Variants in AADACL2 observed in about 807,000 individuals in gnomAD.
The protein encoded by AADACL2 is arylacetamide deacetylase-like 2.
A neutral mutation model predicts 22.3 loss-of-function variants in AADACL2; 23 were observed. The ratio of observed to expected loss-of-function variants is 1.03; its 90% CI spans 0.74 to 1.46. The LOEUF (loss-of-function observed/expected upper bound fraction) is 1.46. Ranked by LOEUF, AADACL2 falls within the 40% of genes most tolerant of loss-of-function variation. AADACL2 has a pLI of 0.00. For missense variants in AADACL2, 472 were observed against 482.9 expected (o/e 0.98, Z 0.21); for synonymous variants, 177 against 166.2 (o/e 1.07, Z -0.50).
chr3:151,746,703 A>C (rs1713457896), intron 4 of AADACL2, among the ~76,000 whole-genome samples: 1 of 152,000 alleles, frequency 6.6e-6, no homozygotes, highest in African/African-American at 2.4e-5. Flanking sequence ...ATGATCATGT[A>C]ATTTTTCTTA....
Position 151,757,408 on chromosome 3 carries a change from T to C in AADACL2, c.1020T>C (p.His340=). ...TAACCTATATTCTTACTTGTCAACA[T>C]GATCTCTTAAGAGATGATGGACTTA... is the stretch of plus-strand genomic sequence containing the variant. ...LPLTYILTCQ[H]DLLRDDGLMY... is the part of the protein sequence containing the mutation. Residue 340 remains histidine (H), a synonymous_variant, in exon 5 of 5, where the codon CAT becomes CAC. Coordinates refer to ENST00000356517, the MANE Select transcript of AADACL2 (RefSeq NM_207365.4). 4 of 1,613,762 alleles carry C rather than the reference T, an allele frequency of 2.5e-6. No individual in the cohort carries two copies. Among genetic ancestry groups the C allele is most frequent in the Non-Finnish European group, 2.5e-6 (3 of 1,179,714 alleles).
chr3:151,752,656 A>G (rs967629949), intron 4 of AADACL2, among the ~76,000 whole-genome samples: 2 of 152,218 alleles, frequency 1.3e-5, no homozygotes, highest in Non-Finnish European at 2.9e-5. Context: ...GAATGTATGC[A>G]TTGCTCTTAT....
chr3:151,737,821 A>G (rs1338317547), intron 1 of AADACL2, among the ~76,000 whole-genome samples: 1 of 151,936 alleles, frequency 6.6e-6, no homozygotes, highest in African/African-American at 2.4e-5. Flanking sequence ...ATCTTCCTCA[A>G]TCCCTTTATT....
At position 151,734,100 on chromosome 3, in the gene AADACL2, C is replaced by G. The variant is rs1479148175; in HGVS notation, c.65C>G (p.Pro22Arg). ...CTTTTTGTCTCTCATTTTTACACAC[C>G]CATGCCAGACAACATTGAAGAAAGC... is the stretch of plus-strand genomic sequence containing the variant. ...CVLFVSHFYT[P>R]MPDNIEESWK... Residue 22 changes from proline (P) to arginine (R), a missense_variant, in exon 1 of 5, where the codon CCC (proline) becomes CGC (arginine). Pro to Arg is a moderately radical substitution (Grantham distance 103). Transcript: ENST00000356517. The G allele has an allele frequency of 6.2e-7, 1 of 1,613,362 alleles. No homozygotes were observed. The highest frequency in any genetic ancestry group is 8.5e-7 in the Non-Finnish European group (1 of 1,179,752).
chr3:151,749,029 CT>C (rs151225920), intron 4 of AADACL2, among the ~76,000 whole-genome samples: 7,211 of 152,140 alleles, frequency 0.047, 572 homozygotes, highest in African/African-American at 0.16. Flanking sequence ...ACTATTCAGT[CT>C]TTTGTGGTTC....
chr3:151,750,321 G>A (rs1250812859), intron 4 of AADACL2, among the ~76,000 whole-genome samples: 1 of 152,116 alleles, frequency 6.6e-6, no homozygotes. Flanking sequence ...TTTTTTAACA[G>A]TGCTGGGGAT....
intron 4 of AADACL2, among the ~76,000 whole-genome samples, chr3:151,749,822 T>G (rs2107987202): frequency 1.3e-5 from 2 of 152,246 alleles, no homozygotes; most frequent in Middle Eastern, 6.8e-3. Context: ...GCTTTTTATT[T>G]CTGTTTTTGT....
intron 4 of AADACL2, among the ~76,000 whole-genome samples, chr3:151,752,992 T>C (rs1012651136): frequency 6.6e-6 from 1 of 152,152 alleles, no homozygotes; most frequent in African/African-American, 2.4e-5. Context: ...TCTTTAAAAA[T>C]ATAAAAAACT....
chr3:151,757,763 C>A lies in AADACL2; in HGVS notation c.*169C>A. 2 of 671,426 alleles carry A rather than the reference C, an allele frequency of 3.0e-6. No homozygotes were observed. The highest frequency in any genetic ancestry group is 4.6e-6 in the Non-Finnish European group (2 of 430,458). 41.6% of individuals were successfully genotyped at this position (671,426 alleles called of 1,614,324 possible). ...TTATTAAATTTTCTGACTTGCAGAC[C>A]CTGAATATGTAAAATGTATGTAATC... On this transcript the variant is annotated 3_prime_UTR_variant, in exon 5 of 5. Coordinates refer to ENST00000356517, the MANE Select transcript of AADACL2 (RefSeq NM_207365.4).
intron 4 of AADACL2, 137 bp downstream of exon 4, chr3:151,745,817 A>AT (rs1444901657): frequency 2.2e-6 from 2 of 914,710 alleles, no homozygotes; most frequent in Non-Finnish European, 3.2e-6. Context: ...TTGAGTAAAC[A>AT]TTTATTTAAC....
chr3:151,739,570 G>A (rs962099198), intron 1 of AADACL2, among the ~76,000 whole-genome samples: 1 of 152,222 alleles, frequency 6.6e-6, no homozygotes, highest in African/African-American at 2.4e-5. Flanking sequence ...TCTCTTCAGA[G>A]CCAGCAGGCA....
rs1219679466 is a variant in AADACL2 at position 151,761,231 on chromosome 3, A to AT, written c.*3638dup. 8.4e-6 allele frequency: 1 copy of AT among 118,902 alleles called. No individual in the cohort carries two copies. Among genetic ancestry groups the AT allele is most frequent in the Non-Finnish European group, 1.8e-5 (1 of 56,240 alleles). The allele number at this position is 118,902 out of a possible 1,614,324, so 7.4% of individuals were successfully genotyped here. On this transcript the variant is annotated 3_prime_UTR_variant, in exon 5 of 5. Transcript: ENST00000356517. ...TATATATATATATATATATATATAT[A>AT]TATATATATATGAATTTGGTGGAAC...
chr3:151,754,299 G>T (rs1214470357), intron 4 of AADACL2, among the ~76,000 whole-genome samples: 1 of 152,054 alleles, frequency 6.6e-6, no homozygotes, highest in African/African-American at 2.4e-5. Flanking sequence ...CCCAAATTTT[G>T]CTCTCAAAAG....
In AADACL2 at chr3:151,759,160, T is replaced by C. The variant is rs935313142; in HGVS notation, c.*1566T>C. Reference sequence around the variant, plus strand: ...GGAGATTTGATACTATATGCTATACTACATACACTAAGAATATTGTATTTT... The same window carrying C: ...GGAGATTTGATACTATATGCTATACCACATACACTAAGAATATTGTATTTT... On this transcript the variant is annotated 3_prime_UTR_variant, in exon 5 of 5. Coordinates refer to ENST00000356517, the MANE Select transcript of AADACL2 (RefSeq NM_207365.4). 2 of 152,166 alleles carry C rather than the reference T, an allele frequency of 1.3e-5. No homozygotes were observed. The highest frequency in any genetic ancestry group is 2.9e-5 in the Non-Finnish European group (2 of 68,000). 9.4% of individuals were successfully genotyped at this position (152,166 alleles called of 1,614,324 possible). A position where few individuals can be genotyped will look rare whatever the true frequency, so the allele number is the denominator to read the frequency against.
chr3:151,744,463 A>T (rs1200290508), intron 3 of AADACL2, among the ~76,000 whole-genome samples: 2 of 152,122 alleles, frequency 1.3e-5, no homozygotes, highest in African/African-American at 4.8e-5. Context: ...GGACAGAAGG[A>T]AGTATATTAA....
At chr3:151,755,723 A>G (rs1713872958) in intron 4 of AADACL2, among the ~76,000 whole-genome samples, 1 of 152,174 alleles carries the variant, frequency 6.6e-6, no homozygotes, top group Non-Finnish European at 1.5e-5. Context: ...CATTCCAGAA[A>G]GGAAAGTTAG....
intron 4 of AADACL2, among the ~76,000 whole-genome samples, chr3:151,755,316 GATTA>G (rs1713857117): frequency 6.6e-6 from 1 of 152,084 alleles, no homozygotes; most frequent in Non-Finnish European, 1.5e-5. Flanking sequence ...CAAGTAGAAA[GATTA>G]ATCATGTACA....
At position 151,740,801 on chromosome 3, in the gene AADACL2, A is replaced by G. The variant is rs139511020; in HGVS notation, c.294A>G (p.Arg98=). The change falls in exon 2 of 5, where the codon AGA becomes AGG. Residue 98 remains arginine (R), a synonymous_variant. Coordinates refer to ENST00000356517, the MANE Select transcript of AADACL2 (RefSeq NM_207365.4). The part of the protein sequence containing the change: ...DIPVRLYLPK[R]KSETRRRAVI... ...CAGTACGATTGTACTTGCCAAAAAG[A>G]AAGTCAGAAACCCGAAGGCGAGCTG... The G allele has an allele frequency of 5.6e-6, 9 of 1,613,960 alleles. No individual in the cohort carries two copies. The highest frequency in any genetic ancestry group is 7.6e-6 in the Non-Finnish European group (9 of 1,179,980).
At chr3:151,741,146 T>C (rs1196066471) in intron 2 of AADACL2, among the ~76,000 whole-genome samples, 1 of 152,174 alleles carries the variant, frequency 6.6e-6, no homozygotes, top group African/African-American at 2.4e-5. Flanking sequence ...GAAAATAGGA[T>C]ATAAAGTCAG....
Sources: allele counts gnomAD v4.1 joint callset (sites outside exome capture counted in the v4.1 genomes callset), GRCh38; gene constraint gnomAD v4.1.1; transcripts MANE v1.5; gene names NCBI Gene and HGNC (gene_info 2026-07-23, HGNC 2026-07-21).